MITF: variants seen among roughly 807,000 people sequenced by gnomAD.
MITF encodes the protein microphthalmia-associated transcription factor.
In MITF, 17 loss-of-function variants were observed where a neutral mutation model predicts 60.5. The ratio of observed to expected loss-of-function variants is 0.28; its 90% CI spans 0.19 to 0.42. The LOEUF (loss-of-function observed/expected upper bound fraction) is 0.42. Ranked by LOEUF, MITF falls within the 10% of genes least tolerant of loss-of-function variation. The probability of loss-of-function intolerance (pLI) is 1.00; values close to 1 mark genes in which losing one functional copy is unlikely to be tolerated. For missense variants in MITF, 622 were observed against 683.5 expected, an observed-to-expected ratio of 0.91 and a Z score of 1.00; for synonymous variants, 260 against 248.5, an observed-to-expected ratio of 1.05 and a Z score of -0.43.
chr3:69,883,244 A>T (rs1383197090), intron 2 of MITF, among the ~76,000 whole-genome samples: 1 of 152,180 alleles, frequency 6.6e-6, no homozygotes, highest in Non-Finnish European at 1.5e-5. Flanking sequence ...GTAATTAGTG[A>T]TGATGCTTGC....
intron 1 of MITF, among the ~76,000 whole-genome samples, chr3:69,811,520 C>T (rs1045182934): frequency 3.5e-4 from 54 of 152,192 alleles, no homozygotes; most frequent in Non-Finnish European, 1.2e-4. Flanking sequence ...GTTTGCTGCT[C>T]TACAGGGTAT....
chr3:69,819,003 C>T (rs1463913005), intron 1 of MITF, among the ~76,000 whole-genome samples: 1 of 152,058 alleles, frequency 6.6e-6, no homozygotes, highest in Non-Finnish European at 1.5e-5. Flanking sequence ...CTTCAGTGTT[C>T]CTCAGTTCTA....
At chr3:69,821,531 T>G (rs1049656746) in intron 1 of MITF, among the ~76,000 whole-genome samples, 7 of 152,118 alleles carry the variant, frequency 4.6e-5, no homozygotes, top group African/African-American at 7.2e-5. Flanking sequence ...GCATTGCAAC[T>G]TGCTCACTTT....
intron 1 of MITF, among the ~76,000 whole-genome samples, chr3:69,856,659 C>T (rs1242348945): frequency 6.6e-6 from 1 of 152,172 alleles, no homozygotes; most frequent in Middle Eastern, 3.2e-3. Flanking sequence ...CATTCTCCCC[C>T]AAATTTCCAA....
chr3:69,773,708 T>C (rs1200663963), intron 1 of MITF, among the ~76,000 whole-genome samples: 1 of 152,198 alleles, frequency 6.6e-6, no homozygotes, highest in Non-Finnish European at 1.5e-5. Context: ...CTTTATTTAC[T>C]TAAAAAATTT....
intron 1 of MITF, among the ~76,000 whole-genome samples, chr3:69,824,005 T>C (rs2063317277): frequency 6.6e-6 from 1 of 152,206 alleles, no homozygotes; most frequent in African/African-American, 2.4e-5. Flanking sequence ...TTCATGTAAA[T>C]GGCCAGGCAA....
intron 1 of MITF, among the ~76,000 whole-genome samples, chr3:69,791,938 T>G (rs2062746553): frequency 6.6e-6 from 1 of 152,324 alleles, no homozygotes; most frequent in South Asian, 2.1e-4. Flanking sequence ...CCAAGACTGG[T>G]GGAGCAGAGG....
intron 1 of MITF, among the ~76,000 whole-genome samples, chr3:69,780,370 A>G (rs2106872724): frequency 6.6e-6 from 1 of 152,338 alleles, no homozygotes; most frequent in East Asian, 1.9e-4. Context: ...ATAAAATTAC[A>G]AAGAAGATGC....
chr3:69,776,119 G>A (rs1047461923), intron 1 of MITF, among the ~76,000 whole-genome samples: 2 of 152,208 alleles, frequency 1.3e-5, no homozygotes, highest in Non-Finnish European at 2.9e-5. Context: ...AACTAGGGAA[G>A]TGGGAGAGTG....
At chr3:69,883,621 C>T (rs1439375299) in intron 2 of MITF, among the ~76,000 whole-genome samples, 2 of 152,148 alleles carry the variant, frequency 1.3e-5, no homozygotes, top group African/African-American at 4.8e-5. Context: ...CTCCCACAAC[C>T]TACCCTTAGA....
At chr3:69,824,349 G>A (rs567285168) in intron 1 of MITF, among the ~76,000 whole-genome samples, 9 of 152,088 alleles carry the variant, frequency 5.9e-5, no homozygotes, top group Non-Finnish European at 1.2e-4. Context: ...AATATCAATA[G>A]CATGCATATG....
At chr3:69,921,167 C>T (rs1465519287) in intron 2 of MITF, among the ~76,000 whole-genome samples, 2 of 152,194 alleles carry the variant, frequency 1.3e-5, no homozygotes, top group South Asian at 2.1e-4. Context: ...CCACTGCACC[C>T]GGCTGATTTG....
chr3:69,790,901 T>C (rs937992073), intron 1 of MITF, among the ~76,000 whole-genome samples: 2 of 152,308 alleles, frequency 1.3e-5, no homozygotes, highest in Middle Eastern at 3.4e-3. Flanking sequence ...GCCACAGTAT[T>C]TGTAGGTTTA....
At chr3:69,828,657 T>A (rs2063395546) in intron 1 of MITF, among the ~76,000 whole-genome samples, 1 of 152,090 alleles carries the variant, frequency 6.6e-6, no homozygotes, top group South Asian at 2.1e-4. Context: ...ATATATAAAA[T>A]GAGTCTCATT....
At chr3:69,958,701 T>A (rs1318016398) in intron 8 of MITF, among the ~76,000 whole-genome samples, 1 of 152,198 alleles carries the variant, frequency 6.6e-6, no homozygotes, top group Non-Finnish European at 1.5e-5. Context: ...AACCTATAAC[T>A]CTTTAACATA....
intron 1 of MITF, among the ~76,000 whole-genome samples, chr3:69,817,746 T>A (rs1379811265): frequency 6.6e-6 from 1 of 152,306 alleles, no homozygotes; most frequent in Non-Finnish European, 1.5e-5. Flanking sequence ...TTTGTATTTT[T>A]CTATATGTTT....
At chr3:69,785,128 A>G (rs2062627145) in intron 1 of MITF, among the ~76,000 whole-genome samples, 1 of 151,182 alleles carries the variant, frequency 6.6e-6, no homozygotes, top group Non-Finnish European at 1.5e-5. Context: ...TTGGCTGCAG[A>G]GCTGGGCTGA....
chr3:69,935,430 A>G (rs1204662228), intron 2 of MITF, among the ~76,000 whole-genome samples: 1 of 152,170 alleles, frequency 6.6e-6, no homozygotes, highest in Non-Finnish European at 1.5e-5. Flanking sequence ...TTTAAGTGTA[A>G]TAGTGAAATA....
At position 69,958,707 on chromosome 3, in the gene MITF, A is replaced by G. The variant is rs190555919; in HGVS notation, c.1032-566A>G. 7.2e-5 allele frequency among the ~76,000 whole-genome samples: 11 copies of G among 152,306 alleles called. No homozygotes were observed. In the East Asian group the frequency reaches 2.1e-3, roughly 29 times the overall value. ...AGTTTTAGAAACCTATAACTCTTTAACATAGTGTTTAAGGAAACTGACTTT... is the reference window on the plus strand; with the variant it reads ...AGTTTTAGAAACCTATAACTCTTTAGCATAGTGTTTAAGGAAACTGACTTT... On this transcript the variant is annotated intron_variant, in intron 8 of 9. Coordinates refer to ENST00000352241, the MANE Select transcript of MITF (RefSeq NM_001354604.2).
Sources: gnomAD v4.1 joint callset for allele counts (sites outside exome capture counted in the v4.1 genomes callset) on GRCh38, gnomAD v4.1.1 for gene constraint, MANE v1.5 for transcripts, NCBI Gene and HGNC (gene_info 2026-07-23, HGNC 2026-07-21) for gene names.